EDIL3: variants seen among roughly 807,000 people sequenced by gnomAD.
EDIL3 encodes the protein EGF like and discoidin domains 3.
EDIL3 carries 37 observed loss-of-function variants against 67.4 expected under a neutral mutation model. The ratio of observed to expected loss-of-function variants is 0.55; its 90% CI spans 0.42 to 0.72. The LOEUF is 0.72. Among genes scored for constraint, EDIL3 ranks in the 30% least tolerant of loss-of-function variants. The pLI is 0.00. For missense variants in EDIL3, 527 were observed against 586.3 expected (o/e 0.90, Z 1.04); for synonymous variants, 195 against 196.3 (o/e 0.99, Z 0.05).
chr5:84,092,425 CTT>C (rs1384847678), intron 6 of EDIL3, among the ~76,000 whole-genome samples: 2 of 152,086 alleles, frequency 1.3e-5, no homozygotes, highest in African/African-American at 4.8e-5. Context: ...TTTAAAAAGT[CTT>C]TTATATAATA....
chr5:84,209,258 G>T (rs996759410), intron 3 of EDIL3, among the ~76,000 whole-genome samples: 6 of 151,954 alleles, frequency 3.9e-5, no homozygotes, highest in African/African-American at 1.5e-4. Context: ...ATAGCATTAG[G>T]CGATACACCT....
chr5:84,222,523 A>C (rs752280042), intron 3 of EDIL3, among the ~76,000 whole-genome samples: 4 of 151,912 alleles, frequency 2.6e-5, no homozygotes, highest in African/African-American at 4.8e-5. Flanking sequence ...CTCTATCATC[A>C]CTACCAGTTG....
chr5:83,944,512 C>T (rs916074479), intron 10 of EDIL3, among the ~76,000 whole-genome samples: 4 of 143,042 alleles, frequency 2.8e-5, no homozygotes, highest in Non-Finnish European at 6.0e-5. Flanking sequence ...AAATTTAAAA[C>T]ACTGGGTCCC....
At chr5:83,997,826 G>C (rs759079293) in intron 9 of EDIL3, among the ~76,000 whole-genome samples, 1 of 152,118 alleles carries the variant, frequency 6.6e-6, no homozygotes. Context: ...AGTAACTGGG[G>C]GAGGGAGAAT....
At chr5:84,080,009 C>A (rs949662363) in intron 6 of EDIL3, among the ~76,000 whole-genome samples, 2 of 147,316 alleles carry the variant, frequency 1.4e-5, no homozygotes, top group African/African-American at 2.5e-5. Context: ...CTCTGGTTCA[C>A]GCCTGTAATC....
chr5:83,989,067 T>C (rs1397726617), intron 9 of EDIL3, among the ~76,000 whole-genome samples: 1 of 152,192 alleles, frequency 6.6e-6, no homozygotes, highest in Non-Finnish European at 1.5e-5. Context: ...AGTAAATTTC[T>C]GATTGTTTAC....
intron 4 of EDIL3, among the ~76,000 whole-genome samples, chr5:84,149,430 A>G (rs1748348904): frequency 6.6e-6 from 1 of 152,178 alleles, no homozygotes; most frequent in Admixed American, 6.5e-5. Context: ...AGGACCCAGA[A>G]TGGTTTTGTC....
At position 84,354,767 on chromosome 5, in the gene EDIL3, C is replaced by G. The variant is rs1043125639; in HGVS notation, c.67+29541G>C. Among the ~76,000 whole-genome samples the G allele has an allele frequency of 2.6e-5, 4 of 152,126 alleles. No homozygotes were observed. In the East Asian group the frequency reaches 7.7e-4, roughly 29 times the overall value. ...CTGAAATATATTCAAGATCTATGTA[C>G]TATAAAATTCCATTTGACATCTTAC... On this transcript the variant is annotated intron_variant, in intron 1 of 10. Transcript: ENST00000296591.
At chr5:84,268,451 C>A (rs1250824705) in intron 1 of EDIL3, among the ~76,000 whole-genome samples, 1 of 152,124 alleles carries the variant, frequency 6.6e-6, no homozygotes, top group Admixed American at 6.5e-5. Flanking sequence ...TTAAAGCATA[C>A]ATATTTAAAA....
At chr5:84,280,901 A>G (rs1745681918) in intron 1 of EDIL3, among the ~76,000 whole-genome samples, 1 of 150,318 alleles carries the variant, frequency 6.7e-6, no homozygotes, top group Non-Finnish European at 1.5e-5. Context: ...CAGTGAATGA[A>G]GATCACCCCC....
chr5:84,041,930 T>C (rs181589773), intron 9 of EDIL3, among the ~76,000 whole-genome samples: 5 of 152,144 alleles, frequency 3.3e-5, no homozygotes, highest in Non-Finnish European at 1.5e-5. Context: ...TGGTAGGATG[T>C]TAAGAATGGG....
chr5:84,312,332 G>T, intron 1 of EDIL3, among the ~76,000 whole-genome samples: 1 of 146,278 alleles, frequency 6.8e-6, no homozygotes, highest in East Asian at 2.1e-4. Context: ...CCGGGTGGGG[G>T]GCTGACCCCC....
chr5:84,242,346 C>T (rs1744814766), intron 2 of EDIL3, among the ~76,000 whole-genome samples: 2 of 152,096 alleles, frequency 1.3e-5, no homozygotes, highest in Admixed American at 6.6e-5. Flanking sequence ...AAGTCACAGA[C>T]TTAGCAAACA....
At chr5:84,232,786 T>C (rs1452529394) in intron 2 of EDIL3, among the ~76,000 whole-genome samples, 2 of 152,206 alleles carry the variant, frequency 1.3e-5, no homozygotes, top group African/African-American at 4.8e-5. Context: ...AATCCAGCTT[T>C]AGTTATCTCT....
intron 6 of EDIL3, among the ~76,000 whole-genome samples, chr5:84,090,680 G>A (rs1201329020): frequency 1.3e-5 from 2 of 152,148 alleles, no homozygotes; most frequent in Non-Finnish European, 2.9e-5. Flanking sequence ...AGGCATGGTG[G>A]CTCATGCCTG....
chr5:84,347,351 T>A (rs1358049319), intron 1 of EDIL3, among the ~76,000 whole-genome samples: 1 of 152,216 alleles, frequency 6.6e-6, no homozygotes, highest in African/African-American at 2.4e-5. Flanking sequence ...AAACTGAATA[T>A]GTATAAGTGG....
At chr5:84,247,099 G>C (rs1744923006) in intron 2 of EDIL3, among the ~76,000 whole-genome samples, 1 of 152,016 alleles carries the variant, frequency 6.6e-6, no homozygotes, top group Non-Finnish European at 1.5e-5. Flanking sequence ...TCATCTATTG[G>C]CTAGCAGCTT....
intron 1 of EDIL3, among the ~76,000 whole-genome samples, chr5:84,330,834 C>T (rs1172821775): frequency 6.6e-6 from 1 of 152,088 alleles, no homozygotes; most frequent in Admixed American, 6.6e-5. Context: ...TATTGTGAGG[C>T]ACAGAAAAAC....
chr5:84,302,298 G>A (rs1007020239), intron 1 of EDIL3, among the ~76,000 whole-genome samples: 2 of 151,360 alleles, frequency 1.3e-5, no homozygotes, highest in Admixed American at 6.6e-5. Flanking sequence ...TTATTTTATT[G>A]TTATTATTAT....
Sources: gnomAD v4.1 joint callset for allele counts (sites outside exome capture counted in the v4.1 genomes callset) on GRCh38, gnomAD v4.1.1 for gene constraint, MANE v1.5 for transcripts, NCBI Gene and HGNC (gene_info 2026-07-23, HGNC 2026-07-21) for gene names.